Variants in GRK3 observed in about 807,000 individuals in gnomAD.
GRK3 encodes the protein adrenergic, beta, receptor kinase 2.
In GRK3, 54 loss-of-function variants were observed where a neutral mutation model predicts 95.7. That is an observed-to-expected ratio of 0.56 (90% CI 0.45 to 0.71). The LOEUF (loss-of-function observed/expected upper bound fraction) is 0.71, where lower values mean the gene tolerates loss of function less well. GRK3 is among the 30% of genes least tolerant of loss of function. The probability of loss-of-function intolerance (pLI) is 0.00; values close to 1 mark genes in which losing one functional copy is unlikely to be tolerated. For synonymous variants in GRK3, 281 were observed against 290.8 expected (o/e 0.97, Z 0.34); for missense variants, 649 against 851.2 (o/e 0.76, Z 2.96).
chr22:25,681,306 C>T (rs142860111), intron 9 of GRK3, among the ~76,000 whole-genome samples: 1 of 152,256 alleles, frequency 6.6e-6, no homozygotes, highest in African/African-American at 2.4e-5. Flanking sequence ...AATGTATGGA[C>T]AACTGGGACC....
chr22:25,652,231 G>A (rs939629542), intron 3 of GRK3, among the ~76,000 whole-genome samples: 5 of 152,112 alleles, frequency 3.3e-5, no homozygotes, highest in Admixed American at 3.3e-4. Context: ...TCAGGAGACC[G>A]AGACCATCCT....
At chr22:25,592,474 T>C (rs559542693) in intron 1 of GRK3, among the ~76,000 whole-genome samples, 54 of 152,298 alleles carry the variant, frequency 3.5e-4, no homozygotes, top group Non-Finnish European at 5.0e-4. Context: ...CAGTTTTTAA[T>C]TTTGACGAAA....
chr22:25,727,585 T>G lies in GRK3; in HGVS notation c.*5135T>G, dbSNP rs946759707. On this transcript the variant is annotated 3_prime_UTR_variant, in exon 21 of 21. Coordinates refer to ENST00000324198, the MANE Select transcript of GRK3 (RefSeq NM_005160.4). ...CAAACTACAGAAAATGGGTTAAGAGTATACGCATTTCATCAAACACATATA... is the reference window on the plus strand; with the variant it reads ...CAAACTACAGAAAATGGGTTAAGAGGATACGCATTTCATCAAACACATATA... The G allele has an allele frequency of 6.6e-6, 1 of 152,162 alleles. No individual in the cohort carries two copies. The highest frequency in any genetic ancestry group is 1.5e-5 in the Non-Finnish European group (1 of 68,034). 9.4% of individuals were successfully genotyped at this position (152,162 alleles called of 1,614,324 possible).
At chr22:25,701,483 C>T (rs1276055210) in intron 13 of GRK3, among the ~76,000 whole-genome samples, 2 of 152,180 alleles carry the variant, frequency 1.3e-5, no homozygotes, top group African/African-American at 2.4e-5. Context: ...CTCATTGAGC[C>T]GGACATGGAA....
At chr22:25,633,883 C>G (rs1289532110) in intron 2 of GRK3, among the ~76,000 whole-genome samples, 3 of 151,940 alleles carry the variant, frequency 2.0e-5, no homozygotes, top group African/African-American at 7.3e-5. Context: ...TTTTATTATT[C>G]CATACAACAT....
At chr22:25,698,479 A>G (rs775474463) in intron 13 of GRK3, among the ~76,000 whole-genome samples, 3 of 152,182 alleles carry the variant, frequency 2.0e-5, no homozygotes, top group Admixed American at 6.5e-5. Context: ...GGTTGACATC[A>G]TGTGGGAGAT....
chr22:25,648,130 G>A, intron 3 of GRK3: 1 of 615,614 alleles, frequency 1.6e-6, no homozygotes, highest in Admixed American at 2.8e-5. Flanking sequence ...AAACAAATAA[G>A]CAAACAGAAC....
intron 13 of GRK3, among the ~76,000 whole-genome samples, chr22:25,696,025 C>T (rs994015458): frequency 2.2e-4 from 34 of 151,922 alleles, no homozygotes; most frequent in Admixed American, 2.2e-3. Flanking sequence ...TCAGTAGAGA[C>T]GGGGTTTCAT....
chr22:25,600,389 C>T (rs1471216721), intron 1 of GRK3, among the ~76,000 whole-genome samples: 2 of 152,160 alleles, frequency 1.3e-5, no homozygotes, highest in Non-Finnish European at 2.9e-5. Flanking sequence ...ATCCACCTGC[C>T]TCGGCCTCCC....
chr22:25,687,949 A>G (rs527711003), intron 11 of GRK3, among the ~76,000 whole-genome samples: 124 of 152,332 alleles, frequency 8.1e-4, no homozygotes, highest in Non-Finnish European at 1.5e-3. Context: ...AATGAAAAGC[A>G]ATTTAGGCCA....
rs760297681 is a variant in GRK3 at position 25,714,369 on chromosome 22, T to C, written c.1492-39T>C. On this transcript the variant is annotated intron_variant, in intron 17 of 20. Coordinates refer to ENST00000324198, the MANE Select transcript of GRK3 (RefSeq NM_005160.4). ...CCGCGGACTCTTACCTTTGTAAGTA[T>C]GTTAAATCATAAATATCTTGATTTC... is the stretch of plus-strand genomic sequence containing the variant. The C allele has an allele frequency of 5.9e-5, 93 of 1,577,746 alleles. No homozygotes were observed. In the Admixed American group the frequency reaches 1.5e-3, roughly 26 times the overall value.
chr22:25,725,326 C>A lies in GRK3; in HGVS notation c.*2876C>A, dbSNP rs552719677. 2.7e-6 allele frequency: 1 copy of A among 376,984 alleles called. No homozygotes were observed. Among genetic ancestry groups the A allele is most frequent in the Non-Finnish European group, 4.7e-6 (1 of 213,616 alleles). 23.4% of individuals were successfully genotyped at this position (376,984 alleles called of 1,614,324 possible). A position where few individuals can be genotyped will look rare whatever the true frequency, so the allele number is the denominator to read the frequency against. ...AGGTTGATATTTTTACAAAATCATG[C>A]GGTAATAAGTCTTGATTTCATGATT... On this transcript the variant is annotated 3_prime_UTR_variant, in exon 21 of 21. Transcript: ENST00000324198.
chr22:25,624,247 C>A (rs2146361122), intron 2 of GRK3, among the ~76,000 whole-genome samples: 1 of 152,262 alleles, frequency 6.6e-6, no homozygotes, highest in South Asian at 2.1e-4. Flanking sequence ...CAGAGAGATT[C>A]ACCATTCAAG....
chr22:25,719,872 T>G (rs180712315), intron 19 of GRK3, among the ~76,000 whole-genome samples: 20 of 152,348 alleles, frequency 1.3e-4, no homozygotes, highest in African/African-American at 4.1e-4. Context: ...ATTTTTAGTT[T>G]ACTGTTAGCA....
chr22:25,716,275 A>C (rs1290100549), intron 18 of GRK3, among the ~76,000 whole-genome samples: 2 of 152,224 alleles, frequency 1.3e-5, no homozygotes, highest in African/African-American at 4.8e-5. Context: ...GGCGTGAGCC[A>C]CTGCGCCCGG....
rs139381907 is a variant in GRK3 at position 25,616,347 on chromosome 22, G to A, written c.190+11894G>A. Among the ~76,000 whole-genome samples, 1,060 of 152,120 alleles carry A rather than the reference G, an allele frequency of 7.0e-3. 14 individuals carry two copies. The highest frequency in any genetic ancestry group is 0.024 in the African/African-American group (1,003 of 41,474). ...AGTCATGGCAGAAGGCAAAGGGGAT[G>A]CAAGCACCTTCTTCACATGGCGGCA... On this transcript the variant is annotated intron_variant, in intron 2 of 20. Coordinates refer to ENST00000324198, the MANE Select transcript of GRK3 (RefSeq NM_005160.4).
chr22:25,693,860 ACCTCTG>A (rs1171840761), intron 12 of GRK3, among the ~76,000 whole-genome samples: 2 of 148,484 alleles, frequency 1.3e-5, no homozygotes, highest in African/African-American at 2.5e-5. Context: ...GCTCACCATA[ACCTCTG>A]CCTCTGCCTC....
rs571426170 is a variant in GRK3 at position 25,725,538 on chromosome 22, A to G, written c.*3088A>G. 4.5e-5 allele frequency: 18 copies of G among 398,592 alleles called. No individual in the cohort carries two copies. Among genetic ancestry groups the G allele is most frequent in the Middle Eastern group, 6.3e-4 (1 of 1,588 alleles). The allele number at this position is 398,592 out of a possible 1,614,324, so 24.7% of individuals were successfully genotyped here. A position where few individuals can be genotyped will look rare whatever the true frequency, so the allele number is the denominator to read the frequency against. ...TTTTCCTTCTTTGTCATATTTAAGT[A>G]TGATTTTTCAACAAAACTTCTAGAA... On this transcript the variant is annotated 3_prime_UTR_variant, in exon 21 of 21. Coordinates refer to ENST00000324198, the MANE Select transcript of GRK3 (RefSeq NM_005160.4).
intron 12 of GRK3, among the ~76,000 whole-genome samples, chr22:25,694,731 C>T (rs2085193081): frequency 6.6e-6 from 1 of 152,170 alleles, no homozygotes; most frequent in African/African-American, 2.4e-5. Flanking sequence ...GCGTGGTCGC[C>T]TGTTCATCAT....
Sources: allele counts gnomAD v4.1 joint callset (sites outside exome capture counted in the v4.1 genomes callset), GRCh38; gene constraint gnomAD v4.1.1; transcripts MANE v1.5; gene names NCBI Gene and HGNC (gene_info 2026-07-23, HGNC 2026-07-21).